The following MBTD1 variants were observed in gnomAD, a reference collection of about 807,000 sequenced individuals.
The protein encoded by MBTD1 is mbt domain containing 1, also known as MBT domain-containing protein 1.
Under a neutral mutation model 87.8 loss-of-function variants are expected in MBTD1, and 24 were observed. That is an observed-to-expected ratio of 0.27 (90% CI 0.20 to 0.38). The LOEUF (loss-of-function observed/expected upper bound fraction) is 0.38. MBTD1 is among the 10% of genes least tolerant of loss of function. MBTD1 has a pLI of 1.00. For missense variants in MBTD1, 436 were observed against 760.2 expected (o/e 0.57, Z 5.02); for synonymous variants, 237 against 248.6 (o/e 0.95, Z 0.44).
intron 16 of MBTD1, among the ~76,000 whole-genome samples, chr17:51,187,866 GAAAA>G (rs71149350): frequency 8.5e-6 from 1 of 118,152 alleles, no homozygotes; most frequent in Non-Finnish European, 1.8e-5. Context: ...AAGAAAGAAA[GAAAA>G]AAAAAAAAAA....
At chr17:51,259,704 G>A (rs2055349191) in intron 1 of MBTD1, 131 bp downstream of exon 1, 1 of 835,634 alleles carries the variant, frequency 1.2e-6, no homozygotes, top group South Asian at 6.1e-5. Context: ...GGGCTCCGGA[G>A]GTTGAGAGGG....
At position 51,180,454 on chromosome 17, in the gene MBTD1, G is replaced by T; in HGVS notation, c.*122C>A. The T allele has an allele frequency of 4.0e-6, 1 of 250,946 alleles. No homozygotes were observed. The highest frequency in any genetic ancestry group is 6.8e-6 in the Non-Finnish European group (1 of 146,902). The allele number at this position is 250,946 out of a possible 1,614,324, so 15.5% of individuals were successfully genotyped here. Reference sequence around the variant, plus strand: ...CTCCCCCACCCACCTGAAAAATCTGGAACTGAAATCTTCTATGTTTAGCAA... The same window carrying T: ...CTCCCCCACCCACCTGAAAAATCTGTAACTGAAATCTTCTATGTTTAGCAA... On this transcript the variant is annotated 3_prime_UTR_variant, in exon 17 of 17. Transcript: ENST00000586178.
rs2050193146 is a variant in MBTD1, at chr17:51,179,371, T to C, written c.*1205A>G. 3.4e-5 allele frequency: 5 copies of C among 147,384 alleles called. No individual in the cohort carries two copies. The Admixed American group carries it at 3.4e-4, about 10-fold the overall frequency. 9.1% of individuals were successfully genotyped at this position (147,384 alleles called of 1,614,324 possible). A position where few individuals can be genotyped will look rare whatever the true frequency, so the allele number is the denominator to read the frequency against. On this transcript the variant is annotated 3_prime_UTR_variant, in exon 17 of 17. Coordinates refer to ENST00000586178, the MANE Select transcript of MBTD1 (RefSeq NM_017643.3). ...CAAACCTTTCACCAGTTTACCCTTG[T>C]ATCCTTTTTTTTTTTTTAAAAGGAA...
At chr17:51,222,210 T>C (rs1362181465) in intron 3 of MBTD1, among the ~76,000 whole-genome samples, 1 of 152,210 alleles carries the variant, frequency 6.6e-6, no homozygotes, top group Non-Finnish European at 1.5e-5. Flanking sequence ...TTAAAATAGA[T>C]GCTAGCACAC....
intron 2 of MBTD1, among the ~76,000 whole-genome samples, chr17:51,241,625 G>A (rs2054166490): frequency 6.6e-6 from 1 of 152,032 alleles, no homozygotes; most frequent in African/African-American, 2.4e-5. Context: ...GTGCAGTGGT[G>A]CTATCCTGGC....
rs60957699 is a variant in MBTD1 at position 51,179,484 on chromosome 17, T to TATATATATATATATATATATTTATA, written c.*1091_*1092insTATAAATATATATATATATATATAT. The stretch of plus-strand genomic sequence containing the variant: ...ATCCTGAATACAATTAAAGACAATT[T>TATATATATATATATATATATTTATA]TATATATATATATATATATATATAT... On this transcript the variant is annotated 3_prime_UTR_variant, in exon 17 of 17. Transcript: ENST00000586178. 5.7e-5 allele frequency: 2 copies of TATATATATATATATATATATTTATA among 35,306 alleles called. No individual in the cohort carries two copies. Among genetic ancestry groups the TATATATATATATATATATATTTATA allele is most frequent in the Non-Finnish European group, 1.2e-4 (2 of 17,020 alleles). 2.2% of individuals were successfully genotyped at this position (35,306 alleles called of 1,614,324 possible).
chr17:51,248,077 G>A (rs902045406), intron 2 of MBTD1, among the ~76,000 whole-genome samples: 8 of 152,132 alleles, frequency 5.3e-5, no homozygotes, highest in East Asian at 1.9e-4. Flanking sequence ...TTATTTTCCC[G>A]TTGTTATTTC....
chr17:51,260,262 C>A (rs1349192878), upstream of MBTD1: 7 of 458,396 alleles, frequency 1.5e-5, no homozygotes, highest in Non-Finnish European at 2.7e-5. Context: ...TTCCATTCAG[C>A]CGTCCCAGTG....
At position 51,178,878 on chromosome 17, in the gene MBTD1, G is replaced by A. The variant is rs2050183408; in HGVS notation, c.*1698C>T. ...ATTCCATACATTCTTACACTATAAA[G>A]TAACAAATTTTACTTCCAGTAGCTA... On this transcript the variant is annotated 3_prime_UTR_variant, in exon 17 of 17. Coordinates refer to ENST00000586178, the MANE Select transcript of MBTD1 (RefSeq NM_017643.3). The A allele has an allele frequency of 6.6e-6, 1 of 152,122 alleles. No individual in the cohort carries two copies. Among genetic ancestry groups the A allele is most frequent in the Non-Finnish European group, 1.5e-5 (1 of 68,022 alleles). The allele number at this position is 152,122 out of a possible 1,614,324, so 9.4% of individuals were successfully genotyped here. A position where few individuals can be genotyped will look rare whatever the true frequency, so the allele number is the denominator to read the frequency against.
rs994604477 is a variant in MBTD1, at chr17:51,225,108, G to A, written c.54C>T (p.Ser18=). 9.0e-6 allele frequency: 14 copies of A among 1,551,254 alleles called. No individual in the cohort carries two copies. The Admixed American group carries it at 1.8e-4, about 20-fold the overall frequency. The part of the protein sequence containing the change: ...CSEDTSSSSS[S]EESEEEVAPL... ...GAGCGACTTCTTCCTCACTCTCTTC[G>A]GAGCTGGAGCTGCTGCTTGTGTCCT... is the stretch of plus-strand genomic sequence containing the variant. Residue 18 remains serine (S), a synonymous_variant, in exon 3 of 17, where the codon TCC becomes TCT. Coordinates refer to ENST00000586178, the MANE Select transcript of MBTD1 (RefSeq NM_017643.3).
intron 2 of MBTD1, among the ~76,000 whole-genome samples, chr17:51,246,889 C>T (rs958400471): frequency 6.6e-6 from 1 of 152,156 alleles, no homozygotes; most frequent in African/African-American, 2.4e-5. Flanking sequence ...ATCCGCCCGC[C>T]TCAGCCTCCC....
In MBTD1 at chr17:51,180,516, T is replaced by C; in HGVS notation, c.*60A>G. On this transcript the variant is annotated 3_prime_UTR_variant, in exon 17 of 17. Transcript: ENST00000586178. ...AGAGTAGCCCCCTGTACAGCTGGAT[T>C]GATTATAAATCAGTCCTGTGTAAAA... is the stretch of plus-strand genomic sequence containing the variant. 1.2e-6 allele frequency: 1 copy of C among 804,760 alleles called. No homozygotes were observed. The highest frequency in any genetic ancestry group is 2.6e-5 in the Admixed American group (1 of 38,886). The allele number at this position is 804,760 out of a possible 1,614,324, so 49.9% of individuals were successfully genotyped here. A position where few individuals can be genotyped will look rare whatever the true frequency, so the allele number is the denominator to read the frequency against.
chr17:51,190,774 C>CTTATCTAAGAAT (rs2050770953), intron 16 of MBTD1, among the ~76,000 whole-genome samples: 1 of 86,586 alleles, frequency 1.2e-5, no homozygotes, highest in East Asian at 3.4e-4. Flanking sequence ...TATATATAAC[C>CTTATCTAAGAAT]TTATCTAAGA....
intron 7 of MBTD1, among the ~76,000 whole-genome samples, chr17:51,205,954 CT>C (rs1328048803): frequency 6.6e-6 from 1 of 152,108 alleles, no homozygotes. Flanking sequence ...TTGAAGATAA[CT>C]TTTCTTATGA....
chr17:51,179,601 A>C lies in MBTD1; in HGVS notation c.*975T>G, dbSNP rs2050235138. 1 of 144,680 alleles carries C rather than the reference A, an allele frequency of 6.9e-6. No individual in the cohort carries two copies. The highest frequency in any genetic ancestry group is 7.2e-5 in the Admixed American group (1 of 13,974). The allele number at this position is 144,680 out of a possible 1,614,324, so 9.0% of individuals were successfully genotyped here. ...TTCTACCAAATCCAGGATAGATAAA[A>C]GCAGAGCTGGAATGATTTTGAAATC... On this transcript the variant is annotated 3_prime_UTR_variant, in exon 17 of 17. Coordinates refer to ENST00000586178, the MANE Select transcript of MBTD1 (RefSeq NM_017643.3).
intron 7 of MBTD1, 68 bp from the exon 8 acceptor site, chr17:51,203,993 T>C (rs1166101863): frequency 7.8e-6 from 10 of 1,282,576 alleles, no homozygotes; most frequent in African/African-American, 1.5e-5. Flanking sequence ...CAGCATCTGA[T>C]AGCAGTTGTC....
Position 51,227,174 on chromosome 17 carries a change from G to A in MBTD1, c.-48-1965C>T, listed in dbSNP as rs543790488. 6.0e-5 allele frequency among the ~76,000 whole-genome samples: 9 copies of A among 149,996 alleles called. No individual in the cohort carries two copies. The South Asian group carries it at 1.9e-3, about 32-fold the overall frequency. ...GGAGAATGGCATGAACCTGGGAGGC[G>A]GAGCTTGCAGTGAGCTGAGATTGAG... is the stretch of plus-strand genomic sequence containing the variant. On this transcript the variant is annotated intron_variant, in intron 2 of 16. Coordinates refer to ENST00000586178, the MANE Select transcript of MBTD1 (RefSeq NM_017643.3).
intron 2 of MBTD1, among the ~76,000 whole-genome samples, chr17:51,257,354 G>A (rs1054384722): frequency 2.0e-5 from 3 of 152,226 alleles, no homozygotes; most frequent in African/African-American, 7.2e-5. Flanking sequence ...TCTAATTTTA[G>A]AATGTGGTTA....
At chr17:51,218,155 T>C (rs1055045696) in intron 5 of MBTD1, among the ~76,000 whole-genome samples, 3 of 152,154 alleles carry the variant, frequency 2.0e-5, no homozygotes, top group Admixed American at 6.6e-5. Flanking sequence ...TACTCACTTA[T>C]TGCCCTTCTC....
Sources: gnomAD v4.1 joint callset for allele counts (sites outside exome capture counted in the v4.1 genomes callset) on GRCh38, gnomAD v4.1.1 for gene constraint, MANE v1.5 for transcripts, NCBI Gene and HGNC (gene_info 2026-07-23, HGNC 2026-07-21) for gene names.